LAMA3: variants seen among roughly 807,000 people sequenced by gnomAD.
The protein encoded by LAMA3 is laminin subunit alpha-3.
Under a neutral mutation model 402.0 loss-of-function variants are expected in LAMA3, and 281 were observed. That is an observed-to-expected ratio of 0.70 (90% CI 0.63 to 0.77). The LOEUF (loss-of-function observed/expected upper bound fraction) is 0.77. Ranked by LOEUF, LAMA3 falls within the 30% of genes least tolerant of loss-of-function variation. The pLI, the probability that LAMA3 is intolerant of heterozygous loss-of-function variation, is 0.00. For synonymous variants in LAMA3, 1,431 were observed against 1,558.4 expected, an observed-to-expected ratio of 0.92 and a Z score of 1.93; for missense variants, 3,840 against 4,215.5, an observed-to-expected ratio of 0.91 and a Z score of 2.47.
chr18:23,770,471 G>A (rs12454564), intron 8 of LAMA3, among the ~76,000 whole-genome samples: 5,739 of 152,168 alleles, frequency 0.038, 163 homozygotes, highest in Middle Eastern at 0.092. Flanking sequence ...ACATCAAAGA[G>A]CTTAACAAGG....
At chr18:23,919,380 G>A (rs534036142) in intron 60 of LAMA3, among the ~76,000 whole-genome samples, 1 of 152,322 alleles carries the variant, frequency 6.6e-6, no homozygotes, top group African/African-American at 2.4e-5. Flanking sequence ...TCAAGTATAT[G>A]TTTCACACCG....
chr18:23,703,244 A>G (rs569478757), intron 1 of LAMA3, among the ~76,000 whole-genome samples: 26 of 152,316 alleles, frequency 1.7e-4, no homozygotes, highest in African/African-American at 5.3e-4. Context: ...AGTGGTTCCA[A>G]TGGTGGTATG....
At chr18:23,721,045 C>T (rs962815125) in intron 2 of LAMA3, among the ~76,000 whole-genome samples, 2 of 152,138 alleles carry the variant, frequency 1.3e-5, no homozygotes, top group African/African-American at 2.4e-5. Flanking sequence ...GTAGTCCTAG[C>T]AACTCAGGAG....
intron 7 of LAMA3, among the ~76,000 whole-genome samples, chr18:23,761,099 A>T (rs1396901259): frequency 1.3e-5 from 2 of 152,186 alleles, no homozygotes; most frequent in East Asian, 3.8e-4. Context: ...AGATTATATA[A>T]TCTACATAAT....
Position 23,784,097 on chromosome 18 carries a change from G to T in LAMA3, c.1543G>T (p.Val515Phe). 1 of 1,614,112 alleles carries T rather than the reference G, an allele frequency of 6.2e-7. No individual in the cohort carries two copies. The highest frequency in any genetic ancestry group is 1.3e-5 in the African/African-American group (1 of 75,012). ...AHGRCLCRPGVEGPRCDTCRS... is the reference protein window; with the variant it reads ...AHGRCLCRPGFEGPRCDTCRS... ...CGGACGGTGCCTGTGCCGCCCTGGG[G>T]TTGAGGGCCCTCGATGTGATACCTG... Residue 515 changes from valine (V) to phenylalanine (F), a missense_variant, in exon 12 of 75, where the codon GTT (valine) becomes TTT (phenylalanine). Physicochemically the swap from Val to Phe is conservative, Grantham distance 50 (BLOSUM62 -1). This residue lies in a region of LAMA3 where 2,109 missense variants were observed against 2,376.0 expected (regional missense o/e 0.89). Transcript: ENST00000313654.
At chr18:23,709,942 A>T in intron 1 of LAMA3, 1 of 721,810 alleles carries the variant, frequency 1.4e-6, no homozygotes. Context: ...TCAATGTCAT[A>T]GAGCTTCTTC....
chr18:23,711,513 A>G (rs1185878659), intron 1 of LAMA3, among the ~76,000 whole-genome samples: 3 of 152,232 alleles, frequency 2.0e-5, no homozygotes, highest in Admixed American at 2.0e-4. Context: ...CTACCATTTA[A>G]AACAAATTAC....
At chr18:23,768,288 G>A (rs901274320) in intron 8 of LAMA3, among the ~76,000 whole-genome samples, 2 of 151,842 alleles carry the variant, frequency 1.3e-5, no homozygotes, top group Non-Finnish European at 2.9e-5. Context: ...AAATAGTTCA[G>A]CAAGCAAAAA....
chr18:23,826,026 T>C (rs182902374), intron 21 of LAMA3, among the ~76,000 whole-genome samples: 61 of 152,336 alleles, frequency 4.0e-4, no homozygotes, highest in African/African-American at 1.3e-3. Flanking sequence ...AAAAGCTTTG[T>C]GGTCTGTGTA....
chr18:23,914,894 T>C, intron 58 of LAMA3, 34 bp downstream of exon 58: 1 of 1,541,062 alleles, frequency 6.5e-7, no homozygotes, highest in Non-Finnish European at 9.0e-7. Flanking sequence ...GAATTAAATA[T>C]TAAAATTTTA....
intron 13 of LAMA3, among the ~76,000 whole-genome samples, chr18:23,811,804 G>A (rs1039669743): frequency 5.3e-5 from 8 of 152,070 alleles, no homozygotes; most frequent in African/African-American, 1.7e-4. Context: ...ATTGCTTGAG[G>A]CCAGGAGTTG....
At chr18:23,828,640 G>GT (rs1259323780) in intron 23 of LAMA3, among the ~76,000 whole-genome samples, 1 of 152,052 alleles carries the variant, frequency 6.6e-6, no homozygotes, top group Non-Finnish European at 1.5e-5. Context: ...GTTGAGAAGG[G>GT]GCAACCACCA....
Position 23,871,559 on chromosome 18 carries a change from C to G in LAMA3, c.4896C>G (p.Ser1632Arg). The G allele has an allele frequency of 6.2e-6, 10 of 1,614,176 alleles. No individual in the cohort carries two copies. Among genetic ancestry groups the G allele is most frequent in the Non-Finnish European group, 8.5e-6 (10 of 1,180,024 alleles). ...CAGAGACTCAAAGGCTCACCCTGAG[C>G]GAGGTGGGGCTAGAGGAAGCCTCTG... ...YFTETQRLTL[S>R]EVGLEEASDT... The change falls in exon 38 of 75, where the codon AGC becomes AGG. Residue 1632 changes from serine (S) to arginine (R), a missense_variant. Ser to Arg is a moderately radical substitution (Grantham distance 110). This residue lies in a region of LAMA3 where 2,109 missense variants were observed against 2,376.0 expected (regional missense o/e 0.89). Transcript: ENST00000313654.
In LAMA3 at chr18:23,871,444, A is replaced by C. The variant is rs769365193; in HGVS notation, c.4781A>C (p.His1594Pro). ...TTCCATGTGTAGGGAAACTTCAGAC[A>C]TGCCAGCAGCCGTGCCCCAGTGTCT... ...RVHVVEGNFR[H>P]ASSRAPVSRE... Residue 1594 changes from histidine (H) to proline (P), a missense_variant, in exon 38 of 75, where the codon CAT becomes CCT. Physicochemically the swap from His to Pro is moderately conservative, Grantham distance 77. Coordinates refer to ENST00000313654, the MANE Select transcript of LAMA3 (RefSeq NM_198129.4). 1.9e-6 allele frequency: 3 copies of C among 1,613,910 alleles called. No individual in the cohort carries two copies. The highest frequency in any genetic ancestry group is 4.5e-5 in the East Asian group (2 of 44,888).
chr18:23,930,084 C>T (rs1348996425), intron 64 of LAMA3, among the ~76,000 whole-genome samples: 1 of 152,178 alleles, frequency 6.6e-6, no homozygotes, highest in African/African-American at 2.4e-5. Flanking sequence ...TAACCACACA[C>T]TGTAAAACTT....
At chr18:23,856,670 C>G (rs2144703499) in intron 32 of LAMA3, among the ~76,000 whole-genome samples, 1 of 152,104 alleles carries the variant, frequency 6.6e-6, no homozygotes, top group African/African-American at 2.4e-5. Flanking sequence ...TCAGAGTGAC[C>G]CTCCCACCCC....
intron 2 of LAMA3, among the ~76,000 whole-genome samples, chr18:23,728,047 T>G (rs1236554010): frequency 2.0e-5 from 3 of 152,208 alleles, no homozygotes; most frequent in Non-Finnish European, 4.4e-5. Context: ...CTGAACCTTT[T>G]CTTCAGAGCT....
At chr18:23,832,840 T>TA (rs2063513158) in intron 23 of LAMA3, among the ~76,000 whole-genome samples, 3 of 152,206 alleles carry the variant, frequency 2.0e-5, no homozygotes. Context: ...TAAAGACATG[T>TA]AAAATACCAT....
chr18:23,814,564 A>C, intron 15 of LAMA3, 62 bp downstream of exon 15: 1 of 1,068,394 alleles, frequency 9.4e-7, no homozygotes, highest in Non-Finnish European at 1.5e-6. Flanking sequence ...TCTCTGCCTC[A>C]GTGACTAAAT....
Sources: gnomAD v4.1 joint callset for allele counts (sites outside exome capture counted in the v4.1 genomes callset) on GRCh38, gnomAD v4.1.1 for gene constraint, gnomAD v4.1.1 regional missense constraint, MANE v1.5 for transcripts, NCBI Gene and HGNC (gene_info 2026-07-23, HGNC 2026-07-21) for gene names.